MAPK9: variants seen among roughly 807,000 people sequenced by gnomAD.
MAPK9 encodes the protein Jun kinase.
MAPK9 carries 30 observed loss-of-function variants against 57.1 expected under a neutral mutation model. The observed-to-expected ratio is 0.53, with a 90% CI of 0.39 to 0.71. MAPK9 has a LOEUF of 0.71. Among genes scored for constraint, MAPK9 ranks in the 30% least tolerant of loss-of-function variants. MAPK9 has a pLI of 0.00. For synonymous variants in MAPK9, 155 were observed against 177.0 expected (o/e 0.88, Z 0.99); for missense variants, 362 against 521.0 (o/e 0.69, Z 2.97).
chr5:180,288,598 G>C (rs148142811), intron 1 of MAPK9, among the ~76,000 whole-genome samples: 22 of 152,228 alleles, frequency 1.4e-4, no homozygotes, highest in African/African-American at 5.1e-4. Context: ...GAGTGCAATC[G>C]CTTCTGCACA....
At chr5:180,271,127 T>C (rs1319873409) in intron 2 of MAPK9, among the ~76,000 whole-genome samples, 2 of 152,210 alleles carry the variant, frequency 1.3e-5, no homozygotes, top group Non-Finnish European at 2.9e-5. Context: ...CCATAATGTA[T>C]ACATATTTCA....
At chr5:180,278,716 A>G (rs1307326998) in intron 2 of MAPK9, among the ~76,000 whole-genome samples, 2 of 151,874 alleles carry the variant, frequency 1.3e-5, no homozygotes, top group Non-Finnish European at 2.9e-5. Flanking sequence ...AAATAAATAA[A>G]TAAAACAGCT....
chr5:180,280,238 T>G (rs1485698562), intron 2 of MAPK9, among the ~76,000 whole-genome samples: 1 of 152,092 alleles, frequency 6.6e-6, no homozygotes, highest in Non-Finnish European at 1.5e-5. Flanking sequence ...CTATTTAAAT[T>G]CCTGCAGCAT....
chr5:180,289,383 A>G (rs1001824386), intron 1 of MAPK9, among the ~76,000 whole-genome samples: 10 of 152,294 alleles, frequency 6.6e-5, no homozygotes, highest in Admixed American at 1.3e-4. Flanking sequence ...CAAAAATAGT[A>G]TTGTTTTTAA....
intron 5 of MAPK9, among the ~76,000 whole-genome samples, chr5:180,251,067 T>G (rs976364440): frequency 2.0e-5 from 3 of 152,278 alleles, no homozygotes; most frequent in Non-Finnish European, 2.9e-5. Flanking sequence ...AAATCTTCTT[T>G]AAAAACCCAA....
intron 3 of MAPK9, among the ~76,000 whole-genome samples, chr5:180,267,529 T>A (rs1760740787): frequency 7.7e-6 from 1 of 130,036 alleles, no homozygotes; most frequent in Non-Finnish European, 1.5e-5. Context: ...GCCACTGCCC[T>A]CCAGGTTGGG....
chr5:180,242,613 A>G lies in MAPK9; in HGVS notation c.831T>C (p.Asp277=), dbSNP rs1757758500. ...GCTCAGATTCTGATGGGAATATCCA[A>G]TCTGGAAAGAGTTCTTCAAATTTGA... ...PGIKFEELFP[D]WIFPSESERD... is the part of the protein sequence containing the mutation. The change falls in exon 8 of 12, where the codon GAT becomes GAC. Residue 277 remains aspartate (D), a synonymous_variant. Transcript: ENST00000452135. The G allele has an allele frequency of 1.2e-6, 2 of 1,614,168 alleles. No individual in the cohort carries two copies. Among genetic ancestry groups the G allele is most frequent in the Non-Finnish European group, 1.7e-6 (2 of 1,180,026 alleles).
chr5:180,255,920 C>T (rs915255104), intron 5 of MAPK9, among the ~76,000 whole-genome samples: 2 of 152,178 alleles, frequency 1.3e-5, no homozygotes, highest in Non-Finnish European at 2.9e-5. Context: ...ATCTGTTTTT[C>T]ATAAATATTT....
rs777592693 is a variant in MAPK9 at position 180,238,342 on chromosome 5, A to G, written c.1122T>C (p.Asp374=). ...EERSKNGVVK[D]QPSDAAVSSN... Reference sequence around the variant, plus strand: ...AAAGCAATCACTAACCTGAAGGCTGATCTTTTACAACACCATTCTTGCTTC... The same window carrying G: ...AAAGCAATCACTAACCTGAAGGCTGGTCTTTTACAACACCATTCTTGCTTC... The change falls in exon 11 of 12, where the codon GAT becomes GAC. Residue 374 remains aspartate, a synonymous_variant. Transcript: ENST00000452135. 1 of 1,612,214 alleles carries G rather than the reference A, an allele frequency of 6.2e-7. No homozygotes were observed. The highest frequency in any genetic ancestry group is 1.1e-5 in the South Asian group (1 of 90,994).
chr5:180,267,421 G>A (rs1455008036), intron 3 of MAPK9, among the ~76,000 whole-genome samples: 1 of 151,868 alleles, frequency 6.6e-6, no homozygotes. Flanking sequence ...AATTAGCTGG[G>A]TGTGGTGGCG....
At chr5:180,250,285 C>T (rs2127584042) in intron 5 of MAPK9, among the ~76,000 whole-genome samples, 1 of 152,290 alleles carries the variant, frequency 6.6e-6, no homozygotes, top group South Asian at 2.1e-4. Context: ...TCCCTCATAA[C>T]TAAGGGATTT....
At chr5:180,245,900 ATC>A (rs2127579902) in intron 7 of MAPK9, 1 of 152,332 alleles carries the variant, frequency 6.6e-6, no homozygotes, top group South Asian at 2.1e-4. Context: ...CCAAATTTCA[ATC>A]TAATATTTGA....
At chr5:180,277,903 C>T (rs730688) in intron 2 of MAPK9, among the ~76,000 whole-genome samples, 28,269 of 151,936 alleles carry the variant, frequency 0.19, 3,085 homozygotes, top group Non-Finnish European at 0.25. Context: ...GAAAAGGAAG[C>T]GAAAATCACT....
intron 4 of MAPK9, among the ~76,000 whole-genome samples, chr5:180,263,284 C>G (rs1261153318): frequency 6.6e-6 from 1 of 152,156 alleles, no homozygotes; most frequent in East Asian, 1.9e-4. Context: ...ATCTTTAGAA[C>G]CATTTCAGCA....
chr5:180,253,983 T>TTTG (rs1758996417), intron 5 of MAPK9, among the ~76,000 whole-genome samples: 2 of 150,798 alleles, frequency 1.3e-5, no homozygotes, highest in African/African-American at 2.4e-5. Flanking sequence ...TTTTTTTTTT[T>TTTG]GAGACGAAGT....
chr5:180,275,834 C>T (rs561079341), intron 2 of MAPK9, among the ~76,000 whole-genome samples: 56 of 152,364 alleles, frequency 3.7e-4, no homozygotes, highest in African/African-American at 1.3e-3. Context: ...TCCTTACGCA[C>T]ATACTTCAGC....
intron 5 of MAPK9, among the ~76,000 whole-genome samples, chr5:180,252,970 T>G (rs561082442): frequency 6.6e-6 from 1 of 152,260 alleles, no homozygotes; most frequent in South Asian, 2.1e-4. Context: ...TGTGGAGAAG[T>G]AGAGCTGAGG....
intron 2 of MAPK9, chr5:180,279,972 G>C: frequency 4.4e-6 from 2 of 456,764 alleles, no homozygotes; most frequent in Non-Finnish European, 8.8e-6. Flanking sequence ...TTAATCCATG[G>C]AGTGACAATG....
intron 2 of MAPK9, among the ~76,000 whole-genome samples, chr5:180,277,631 T>C (rs1402938912): frequency 6.6e-6 from 1 of 152,230 alleles, no homozygotes; most frequent in Non-Finnish European, 1.5e-5. Context: ...AAAGAATCAC[T>C]GACAGATGAT....
Sources: allele counts gnomAD v4.1 joint callset (sites outside exome capture counted in the v4.1 genomes callset), GRCh38; gene constraint gnomAD v4.1.1; transcripts MANE v1.5; gene names NCBI Gene and HGNC (gene_info 2026-07-23, HGNC 2026-07-21).